The following CENPM variants were observed in gnomAD, a reference collection of about 807,000 sequenced individuals.
CENPM encodes interphase centromere complex protein 39.
Under a neutral mutation model 19.6 loss-of-function variants are expected in CENPM, and 14 were observed. The observed-to-expected ratio is 0.71, with a 90% CI of 0.47 to 1.11. CENPM has a LOEUF of 1.11. CENPM is among the 50% of genes most tolerant of loss of function. CENPM has a pLI of 0.00. For synonymous variants in CENPM, 114 were observed against 101.5 expected, an observed-to-expected ratio of 1.12 and a Z score of -0.74; for missense variants, 239 against 228.4, an observed-to-expected ratio of 1.05 and a Z score of -0.30.
rs763306762 is a variant in CENPM, at chr22:41,939,011, T to C, written c.*45A>G. On this transcript the variant is annotated 3_prime_UTR_variant, in exon 6 of 6. Coordinates refer to ENST00000215980, the MANE Select transcript of CENPM (RefSeq NM_024053.5). ...TCCTCAACAGAGAATGTTTATGGAG[T>C]CAGCACGAAGCCATGAGAAGGGGCA... 8 of 1,605,178 alleles carry C rather than the reference T, an allele frequency of 5.0e-6. No homozygotes were observed. In the Admixed American group the frequency reaches 6.8e-5, roughly 14 times the overall value.
At chr22:41,946,612 G>T in intron 1 of CENPM, 116 bp from the exon 2 acceptor site, 2 of 845,622 alleles carry the variant, frequency 2.4e-6, no homozygotes, top group African/African-American at 1.7e-5. Context: ...GCGGCTCGGA[G>T]GACATTTCCC....
downstream of CENPM, among the ~76,000 whole-genome samples, chr22:41,937,505 G>C (rs930807442): frequency 6.6e-6 from 1 of 152,148 alleles, no homozygotes; most frequent in Non-Finnish European, 1.5e-5. Context: ...CGTGTTGCCA[G>C]GCCAGCCACA....
At chr22:41,939,288 G>A in intron 5 of CENPM, 92 bp from the exon 6 acceptor site, 1 of 1,458,092 alleles carries the variant, frequency 6.9e-7, no homozygotes, top group Non-Finnish European at 9.1e-7. Context: ...GCAGGGCTGG[G>A]GGCGGATACT....
intron 4 of CENPM, chr22:41,944,828 G>A (rs1279527653): frequency 9.8e-7 from 1 of 1,025,048 alleles, no homozygotes; most frequent in Non-Finnish European, 1.2e-6. Context: ...GCAACCACTA[G>A]GCAACTCCAA....
At chr22:41,937,430 G>A (rs967894850), downstream of CENPM, among the ~76,000 whole-genome samples, 1 of 152,092 alleles carries the variant, frequency 6.6e-6, no homozygotes, top group Admixed American at 6.5e-5. Context: ...CAAGTAGCTG[G>A]GACTATAGGC....
chr22:41,933,286 C>A, the CENPM span, among the ~76,000 whole-genome samples: 2 of 151,932 alleles, frequency 1.3e-5, no homozygotes, highest in South Asian at 4.2e-4. Context: ...GCCCGCCAGG[C>A]AGCCCCTGAG....
downstream of CENPM, among the ~76,000 whole-genome samples, chr22:41,937,354 G>A (rs2077688199): frequency 6.6e-6 from 1 of 152,178 alleles, no homozygotes; most frequent in African/African-American, 2.4e-5. Context: ...GAAGTGCAGT[G>A]GTACGATCTC....
At position 41,945,262 on chromosome 22, in the gene CENPM, G is replaced by T; in HGVS notation, c.273C>A (p.Ser91Arg). 1 of 1,614,004 alleles carries T rather than the reference G, an allele frequency of 6.2e-7. No homozygotes were observed. Among genetic ancestry groups the T allele is most frequent in the Non-Finnish European group, 8.5e-7 (1 of 1,179,998 alleles). ...TEESLRHVDA[S>R]FFLGKVCFLA... The stretch of plus-strand genomic sequence containing the variant: ...GGAAACACACCTTCCCCAAGAAGAA[G>T]CTGGCATCCACATGGCGCAGGGACT... The change falls in exon 4 of 6, where the codon AGC becomes AGA. Residue 91 changes from serine (S) to arginine (R), a missense_variant. Ser to Arg is a moderately radical substitution (Grantham distance 110, BLOSUM62 -1). Coordinates refer to ENST00000215980, the MANE Select transcript of CENPM (RefSeq NM_024053.5).
In CENPM at chr22:41,945,307, G is replaced by T; in HGVS notation, c.231-3C>A. ...GGGACTCCTCTGTGTTCTGGAGACT[G>T]GGGTGGCCAGGCCAGGGTGAGAAAA... On this transcript the variant is annotated splice_region_variant and splice_polypyrimidine_tract_variant and intron_variant, in intron 3 of 5. Coordinates refer to ENST00000215980, the MANE Select transcript of CENPM (RefSeq NM_024053.5). The T allele has an allele frequency of 6.2e-7, 1 of 1,613,938 alleles. No individual in the cohort carries two copies. Among genetic ancestry groups the T allele is most frequent in the Non-Finnish European group, 8.5e-7 (1 of 1,179,970 alleles).
At chr22:41,929,339 T>C in the CENPM span, among the ~76,000 whole-genome samples, 1 of 152,260 alleles carries the variant, frequency 6.6e-6, no homozygotes, top group Non-Finnish European at 1.5e-5. Flanking sequence ...ACCAGGCAGC[T>C]CATTTAGCCC....
intron 5 of CENPM, chr22:41,940,167 C>A: frequency 1.3e-6 from 1 of 771,992 alleles, no homozygotes; most frequent in East Asian, 2.4e-5. Flanking sequence ...GTCCCACACT[C>A]GGCCCATGCA....
chr22:41,929,251 C>G, the CENPM span, among the ~76,000 whole-genome samples: 1 of 152,036 alleles, frequency 6.6e-6, no homozygotes, highest in African/African-American at 2.4e-5. Flanking sequence ...GAGCCATAAC[C>G]CTGCCACCCA....
the CENPM span, among the ~76,000 whole-genome samples, chr22:41,927,295 G>T: frequency 6.6e-6 from 1 of 152,160 alleles, no homozygotes; most frequent in Non-Finnish European, 1.5e-5. Context: ...TCTGCTGGGT[G>T]CTGGGAGGTG....
rs766762973 is a variant in CENPM, at chr22:41,939,113, A to G, written c.486T>C (p.Ala162=). ...TTCTCAGCAGGGACAGCAGGTTCAG[A>G]GCTGAGACACCGGGCACGTGGCCAG... is the stretch of plus-strand genomic sequence containing the variant. ...ICAGHVPGVS[A]LNLLSLLRSS... The change falls in exon 6 of 6, where the codon GCT becomes GCC. Residue 162 remains alanine (A), a synonymous_variant. Transcript: ENST00000215980. The G allele has an allele frequency of 1.9e-6, 3 of 1,613,056 alleles. No individual in the cohort carries two copies. In the East Asian group the frequency reaches 6.7e-5, roughly 36 times the overall value.
At chr22:41,931,118 G>A in the CENPM span, among the ~76,000 whole-genome samples, 1 of 151,832 alleles carries the variant, frequency 6.6e-6, no homozygotes, top group Admixed American at 6.6e-5. Flanking sequence ...TTACAGGCGT[G>A]AGCCACTGCA....
chr22:41,946,145 C>T (rs2077798993), intron 2 of CENPM, 140 bp from the exon 3 acceptor site: 1 of 755,022 alleles, frequency 1.3e-6, no homozygotes, highest in Non-Finnish European at 2.3e-6. Context: ...GTGGCCACGA[C>T]TCCTTGGGCC....
chr22:41,934,789 C>G (rs915739469), downstream of CENPM, among the ~76,000 whole-genome samples: 6 of 152,216 alleles, frequency 3.9e-5, no homozygotes, highest in Non-Finnish European at 5.9e-5. Flanking sequence ...GGGTGAGTGA[C>G]CTGCCTGAGG....
intron 5 of CENPM, chr22:41,940,040 C>T: frequency 1.5e-6 from 1 of 676,952 alleles, no homozygotes; most frequent in Non-Finnish European, 2.8e-6. Context: ...CAGCAGCTCC[C>T]CACCAGGCTC....
chr22:41,946,453 G>A lies in CENPM; in HGVS notation c.101C>T (p.Ser34Leu). The change falls in exon 2 of 6, where the codon TCG becomes TTG. Residue 34 changes from serine (S) to leucine (L), a missense_variant. By Grantham distance (145) the Ser-to-Leu change is moderately radical. Coordinates refer to ENST00000215980, the MANE Select transcript of CENPM (RefSeq NM_024053.5). ...EDALLQQLAD[S>L]MLKEDCASEL... ...GGAGGCGCAGTCCTCTTTGAGCATC[G>A]AGTCCGCCAGCTGCTGCAGAAGAGC... 4 of 1,613,006 alleles carry A rather than the reference G, an allele frequency of 2.5e-6. No individual in the cohort carries two copies. Among genetic ancestry groups the A allele is most frequent in the Non-Finnish European group, 3.4e-6 (4 of 1,179,964 alleles).
Sources: gnomAD v4.1 joint callset for allele counts (sites outside exome capture counted in the v4.1 genomes callset) on GRCh38, gnomAD v4.1.1 for gene constraint, MANE v1.5 for transcripts, NCBI Gene and HGNC (gene_info 2026-07-23, HGNC 2026-07-21) for gene names.